SH3BP4: variants seen among roughly 807,000 people sequenced by gnomAD.
SH3BP4 encodes SH3 domain binding protein 4.
Under a neutral mutation model 65.5 loss-of-function variants are expected in SH3BP4, and 33 were observed. The observed-to-expected ratio is 0.50, with a 90% CI of 0.38 to 0.67. The LOEUF (loss-of-function observed/expected upper bound fraction) is 0.67. Among genes scored for constraint, SH3BP4 ranks in the 30% least tolerant of loss-of-function variants. The pLI is 0.00. For synonymous variants in SH3BP4, 552 were observed against 545.5 expected, an observed-to-expected ratio of 1.01 and a Z score of -0.17; for missense variants, 1,134 against 1,261.4, an observed-to-expected ratio of 0.90 and a Z score of 1.53.
chr2:235,053,561 T>C, intron 5 of SH3BP4, 31 bp from the exon 6 acceptor site: 1 of 1,540,686 alleles, frequency 6.5e-7, no homozygotes, highest in South Asian at 1.1e-5. Flanking sequence ...CCTCTCTCCC[T>C]CCTTTTGTTT....
At chr2:234,995,818 T>G (rs919426627) in intron 2 of SH3BP4, 11 of 152,236 alleles carry the variant, frequency 7.2e-5, no homozygotes, top group African/African-American at 2.7e-4. Context: ...AAAGGAGGGA[T>G]TGTTCTCACG....
rs1158174293 is a variant in SH3BP4, at chr2:235,053,997, A to G, written c.*181A>G. On this transcript the variant is annotated 3_prime_UTR_variant, in exon 6 of 6. Transcript: ENST00000392011. ...TCCATCGAGGGAGAGGCCTGAAGGG[A>G]CTGCCTACTGCAGCTCGTTGCCAAT... 1 of 566,814 alleles carries G rather than the reference A, an allele frequency of 1.8e-6. No homozygotes were observed. The highest frequency in any genetic ancestry group is 2.8e-5 in the East Asian group (1 of 35,874). The allele number at this position is 566,814 out of a possible 1,614,324, so 35.1% of individuals were successfully genotyped here.
chr2:235,000,511 C>T (rs1470940748), intron 2 of SH3BP4, among the ~76,000 whole-genome samples: 2 of 152,194 alleles, frequency 1.3e-5, no homozygotes, highest in Non-Finnish European at 1.5e-5. Context: ...CGGGGCCCCT[C>T]CTTCCAAGAG....
chr2:234,961,003 G>A (rs1485178274), intron 1 of SH3BP4, among the ~76,000 whole-genome samples: 1 of 152,156 alleles, frequency 6.6e-6, no homozygotes, highest in Non-Finnish European at 1.5e-5. Flanking sequence ...TCTTTGTTGG[G>A]ACCTGGTTCA....
chr2:234,991,615 G>A lies in SH3BP4; in HGVS notation c.-206-3688G>A, dbSNP rs1478966512. Among the ~76,000 whole-genome samples, 1 of 152,110 alleles carries A rather than the reference G, an allele frequency of 6.6e-6. No individual in the cohort carries two copies. The highest frequency in any genetic ancestry group is 2.4e-5 in the African/African-American group (1 of 41,420). On this transcript the variant is annotated intron_variant, in intron 1 of 5. Transcript: ENST00000392011. The surrounding 1 kb of genome is among the most constrained non-coding windows in gnomAD (Gnocchi z 4.2). ...TTTCTTGGGGCCCCTGAAGACTGAC[G>A]GGTCCACACTGGTGTCTGGTGGTGC...
intron 2 of SH3BP4, among the ~76,000 whole-genome samples, chr2:235,032,675 A>C (rs1293007709): frequency 1.3e-5 from 2 of 152,124 alleles, no homozygotes; most frequent in Non-Finnish European, 2.9e-5. Context: ...CTGTGCATTC[A>C]GAGCTACTTG....
chr2:235,038,510 A>G (rs982362793), intron 3 of SH3BP4, among the ~76,000 whole-genome samples: 1 of 146,646 alleles, frequency 6.8e-6, no homozygotes, highest in African/African-American at 2.5e-5. Flanking sequence ...CTTACTTAAT[A>G]TATGTTATAT....
At chr2:235,032,188 G>A (rs1695226074) in intron 2 of SH3BP4, among the ~76,000 whole-genome samples, 1 of 152,192 alleles carries the variant, frequency 6.6e-6, no homozygotes. Context: ...CTCTGGACTG[G>A]TGGGGGTGGG....
Position 235,052,057 on chromosome 2 carries a change from C to T in SH3BP4, c.2479-505C>T, listed in dbSNP as rs772034013. On this transcript the variant is annotated intron_variant, in intron 4 of 5. Coordinates refer to ENST00000392011, the MANE Select transcript of SH3BP4 (RefSeq NM_014521.3). The surrounding 1 kb of genome is among the most constrained non-coding windows in gnomAD (Gnocchi z 5.0). ...CAGTCAGGGGTCCCAGGGTGGCCTC[C>T]GTCTGGAAGCAGTGGGGGAGAAGGG... Among the ~76,000 whole-genome samples the T allele has an allele frequency of 5.3e-5, 8 of 152,156 alleles. No homozygotes were observed. Among genetic ancestry groups the T allele is most frequent in the South Asian group, 4.1e-4 (2 of 4,830 alleles).
At position 235,041,027 on chromosome 2, in the gene SH3BP4, C is replaced by T. The variant is rs1695617356; in HGVS notation, c.258C>T (p.Asp86=). ...FSKGDHLYVL[D]TSGGEWWYAH... ...AGGGCGACCATCTCTACGTCTTGGACACATCTGGCGGTGAGTGGTGGTACG... is the reference window on the plus strand; with the variant it reads ...AGGGCGACCATCTCTACGTCTTGGATACATCTGGCGGTGAGTGGTGGTACG... The change falls in exon 4 of 6, where the codon GAC becomes GAT. Residue 86 remains aspartate (D), a synonymous_variant. Transcript: ENST00000392011. The surrounding 1 kb of genome is among the most constrained non-coding windows in gnomAD (Gnocchi z 6.0). 1 of 1,614,172 alleles carries T rather than the reference C, an allele frequency of 6.2e-7. No homozygotes were observed. The highest frequency in any genetic ancestry group is 8.5e-7 in the Non-Finnish European group (1 of 1,180,024).
intron 5 of SH3BP4, among the ~76,000 whole-genome samples, chr2:235,053,322 A>T (rs1343715052): frequency 6.6e-6 from 1 of 152,228 alleles, no homozygotes; most frequent in Non-Finnish European, 1.5e-5. Flanking sequence ...AGAAAGTGCC[A>T]TAAAGATTGT....
intron 2 of SH3BP4, among the ~76,000 whole-genome samples, chr2:235,009,996 G>C (rs1393475993): frequency 1.3e-5 from 2 of 151,966 alleles, no homozygotes; most frequent in African/African-American, 4.8e-5. Flanking sequence ...CCTCCTTCTG[G>C]TGAGTGCTGG....
chr2:234,954,368 C>G (rs2106236505), intron 1 of SH3BP4, among the ~76,000 whole-genome samples: 1 of 152,302 alleles, frequency 6.6e-6, no homozygotes, highest in Non-Finnish European at 1.5e-5. Context: ...CTGTAACCGT[C>G]TGTCGTTTGA....
chr2:235,038,368 TATATATAC>T (rs1559254556), intron 3 of SH3BP4, among the ~76,000 whole-genome samples: 8 of 10,180 alleles, frequency 7.9e-4, no homozygotes, highest in Admixed American at 2.1e-3. Context: ...ATATATATAA[TATATATAC>T]ATATATATAT....
chr2:234,986,026 G>A (rs1449829296), intron 1 of SH3BP4, among the ~76,000 whole-genome samples: 5 of 150,892 alleles, frequency 3.3e-5, no homozygotes, highest in Admixed American at 6.6e-5. Context: ...TAGGGTCCAC[G>A]TGCAGGTGTA....
chr2:235,000,224 G>A lies in SH3BP4; in HGVS notation c.-133+4848G>A, dbSNP rs189172084. ...CCTCCTTCCCTTCTTCCTTCCTTTC[G>A]GAACTCCCTACAACCCTATCACGTT... On this transcript the variant is annotated intron_variant, in intron 2 of 5. Transcript: ENST00000392011. Among the ~76,000 whole-genome samples the A allele has an allele frequency of 2.5e-4, 38 of 152,196 alleles. No homozygotes were observed. The East Asian group carries it at 6.6e-3, about 26-fold the overall frequency.
At position 235,004,296 on chromosome 2, in the gene SH3BP4, C is replaced by T. The variant is rs56670757; in HGVS notation, c.-133+8920C>T. On this transcript the variant is annotated intron_variant, in intron 2 of 5. Transcript: ENST00000392011. ...TTCTTAAGGTGTCATTGCCTGTAGT[C>T]GCCTCGGTGGCACTGGACCTCTTTA... Among the ~76,000 whole-genome samples the T allele has an allele frequency of 3.2e-3, 489 of 152,220 alleles. 3 individuals are homozygous for T. Among genetic ancestry groups the T allele is most frequent in the African/African-American group, 0.012 (480 of 41,534 alleles).
At chr2:234,963,388 A>C (rs937184535) in intron 1 of SH3BP4, among the ~76,000 whole-genome samples, 5 of 152,372 alleles carry the variant, frequency 3.3e-5, no homozygotes, top group Non-Finnish European at 7.3e-5. Flanking sequence ...AAAGCACCTC[A>C]AAAGGGAGTG....
intron 4 of SH3BP4, among the ~76,000 whole-genome samples, chr2:235,043,936 C>T (rs1307347766): frequency 2.0e-5 from 3 of 152,214 alleles, no homozygotes; most frequent in Admixed American, 6.5e-5. Flanking sequence ...CTTTTCCCAC[C>T]GAATCTGTGA....
Sources: gnomAD v4.1 joint callset for allele counts (sites outside exome capture counted in the v4.1 genomes callset) on GRCh38, gnomAD v4.1.1 for gene constraint, Gnocchi (gnomAD v3.1) non-coding constraint, MANE v1.5 for transcripts, NCBI Gene and HGNC (gene_info 2026-07-23, HGNC 2026-07-21) for gene names.